The following JRK variants were observed in gnomAD, a reference collection of about 807,000 sequenced individuals.
The protein encoded by JRK is jerky protein homolog.
For missense variants in JRK, 720 were observed against 509.2 expected (o/e 1.41, Z -3.98); for synonymous variants, 303 against 218.1 (o/e 1.39, Z -3.43).
rs782436870 is a variant in JRK, at chr8:142,665,460, G to A, written c.599C>T (p.Thr200Ile). The change falls in exon 2 of 2, where the codon ACT (threonine) becomes ATT (isoleucine). Residue 200 changes from threonine (T) to isoleucine (I), a missense_variant. Thr to Ile is a moderately conservative substitution (Grantham distance 89, BLOSUM62 -1). Coordinates refer to ENST00000612905, the MANE Select transcript of JRK (RefSeq NM_003724.4). ...GCCAGGCACAGCCCCGCCTTCCGGA[G>A]TGGGATTTGGCAGGCACCGCCAGAA... Reference protein sequence around the residue: ...GLFWRCLPNPTPEGGAVPGPK... With the variant: ...GLFWRCLPNPIPEGGAVPGPK... The A allele has an allele frequency of 9.8e-6, 7 of 717,868 alleles. No individual in the cohort carries two copies. Among genetic ancestry groups the A allele is most frequent in the Non-Finnish European group, 1.6e-5 (6 of 385,100 alleles). 44.5% of individuals were successfully genotyped at this position (717,868 alleles called of 1,614,324 possible).
At chr8:142,647,029 G>C in the JRK span, among the ~76,000 whole-genome samples, 1 of 152,132 alleles carries the variant, frequency 6.6e-6, no homozygotes, top group Non-Finnish European at 1.5e-5. Context: ...TCAAGGTATA[G>C]GCAGAAAAAG....
At chr8:142,645,637 G>A in the JRK span, among the ~76,000 whole-genome samples, 8 of 151,610 alleles carry the variant, frequency 5.3e-5, no homozygotes, top group African/African-American at 7.3e-5. Flanking sequence ...CCAAGATCGC[G>A]CCACTGCACT....
chr8:142,647,061 T>C, the JRK span, among the ~76,000 whole-genome samples: 1 of 152,136 alleles, frequency 6.6e-6, no homozygotes, highest in South Asian at 2.1e-4. Flanking sequence ...TAAGGGGAGA[T>C]TAAAGATGCA....
Position 142,662,477 on chromosome 8 carries a change from A to C in JRK, c.*1875T>G. The C allele has an allele frequency of 1.0e-6, 1 of 985,474 alleles. No individual in the cohort carries two copies. The highest frequency in any genetic ancestry group is 1.2e-6 in the Non-Finnish European group (1 of 829,942). The allele number at this position is 985,474 out of a possible 1,614,324, so 61.0% of individuals were successfully genotyped here. On this transcript the variant is annotated 3_prime_UTR_variant, in exon 2 of 2. Transcript: ENST00000612905. Reference sequence around the variant, plus strand: ...AAATGGCACAAAGTACATGATGTGCAGAAGTTCCCCAGACAATGAAGCAAA... The same window carrying C: ...AAATGGCACAAAGTACATGATGTGCCGAAGTTCCCCAGACAATGAAGCAAA...
In JRK at chr8:142,665,309, C is replaced by A. The variant is rs1554635617; in HGVS notation, c.750G>T (p.Leu250=). 1 of 717,776 alleles carries A rather than the reference C, an allele frequency of 1.4e-6. No homozygotes were observed. Among genetic ancestry groups the A allele is most frequent in the Non-Finnish European group, 2.6e-6 (1 of 385,106 alleles). The allele number at this position is 717,776 out of a possible 1,614,324, so 44.5% of individuals were successfully genotyped here. The stretch of plus-strand genomic sequence containing the variant: ...TCCCCTGGGCCTTATAGGCGACGGG[C>A]AGGTGCTGGATGCCTTTGAAAGCCC... ...GPRAFKGIQH[L]PVAYKAQGNA... Residue 250 remains leucine (L), a synonymous_variant, in exon 2 of 2, where the codon CTG becomes CTT. Transcript: ENST00000612905.
Position 142,661,273 on chromosome 8 carries a change from G to A in JRK, c.*3079C>T, listed in dbSNP as rs1846908072. On this transcript the variant is annotated 3_prime_UTR_variant, in exon 2 of 2. Coordinates refer to ENST00000612905, the MANE Select transcript of JRK (RefSeq NM_003724.4). ...TGTTCTGTAAACCAACCCCAACGTA[G>A]AAGGGGCTGAAAGACCACCTACCCA... 1 of 985,408 alleles carries A rather than the reference G, an allele frequency of 1.0e-6. No individual in the cohort carries two copies. Among genetic ancestry groups the A allele is most frequent in the Non-Finnish European group, 1.2e-6 (1 of 829,918 alleles). The allele number at this position is 985,408 out of a possible 1,614,324, so 61.0% of individuals were successfully genotyped here.
At chr8:142,657,242 G>C (rs1846772123), downstream of JRK, among the ~76,000 whole-genome samples, 1 of 152,148 alleles carries the variant, frequency 6.6e-6, no homozygotes, top group African/African-American at 2.4e-5. Context: ...CAGACCCCTT[G>C]TAACTAGTTG....
Position 142,658,391 on chromosome 8 carries a change from C to CT in JRK, c.*5960dup, listed in dbSNP as rs10656550. The CT allele has an allele frequency of 8.0e-3, 1,170 of 146,128 alleles. 11 individuals carry two copies. The highest frequency in any genetic ancestry group is 0.02 in the African/African-American group (812 of 39,652). The allele number at this position is 146,128 out of a possible 1,614,324, so 9.1% of individuals were successfully genotyped here. On this transcript the variant is annotated 3_prime_UTR_variant, in exon 2 of 2. Transcript: ENST00000612905. Reference sequence around the variant, plus strand: ...AGATGGCAATTTTCTATTTTATTTCCTTTTTTTTTTTTTTTAGCAATAAGG... The same window carrying CT: ...AGATGGCAATTTTCTATTTTATTTCCTTTTTTTTTTTTTTTTAGCAATAAGG...
Position 142,660,525 on chromosome 8 carries a change from G to T in JRK, c.*3827C>A. The T allele has an allele frequency of 1.3e-6, 1 of 760,402 alleles. No individual in the cohort carries two copies. The highest frequency in any genetic ancestry group is 1.6e-6 in the Non-Finnish European group (1 of 625,256). The allele number at this position is 760,402 out of a possible 1,614,324, so 47.1% of individuals were successfully genotyped here. ...GGGGATCCTCCCGCCTCGGCCTCCTGAGTAGCTGGGGTTACAGGCACATGC... is the reference window on the plus strand; with the variant it reads ...GGGGATCCTCCCGCCTCGGCCTCCTTAGTAGCTGGGGTTACAGGCACATGC... On this transcript the variant is annotated 3_prime_UTR_variant, in exon 2 of 2. Transcript: ENST00000612905.
chr8:142,668,760 T>C (rs1423233823), intron 1 of JRK, among the ~76,000 whole-genome samples: 1 of 151,230 alleles, frequency 6.6e-6, no homozygotes, highest in African/African-American at 2.4e-5. Context: ...AAGTTTTTGG[T>C]CTTGCAAGTG....
In JRK at chr8:142,661,174, C is replaced by A; in HGVS notation, c.*3178G>T. The A allele has an allele frequency of 3.0e-6, 3 of 985,522 alleles. No individual in the cohort carries two copies. The highest frequency in any genetic ancestry group is 3.6e-6 in the Non-Finnish European group (3 of 829,988). 61.0% of individuals were successfully genotyped at this position (985,522 alleles called of 1,614,324 possible). On this transcript the variant is annotated 3_prime_UTR_variant, in exon 2 of 2. Coordinates refer to ENST00000612905, the MANE Select transcript of JRK (RefSeq NM_003724.4). The stretch of plus-strand genomic sequence containing the variant: ...AAGGTCTGCTCTAGACCCTCCTATG[C>A]AGGAGACAGACAACTTCCAGGACAG...
chr8:142,646,615 C>G, the JRK span, among the ~76,000 whole-genome samples: 1 of 151,272 alleles, frequency 6.6e-6, no homozygotes, highest in East Asian at 1.9e-4. Flanking sequence ...TGGCAATTCT[C>G]AAGACATTTC....
In JRK at chr8:142,659,298, T is replaced by G; in HGVS notation, c.*5054A>C. 9.5e-7 allele frequency: 1 copy of G among 1,047,312 alleles called. No homozygotes were observed. The allele number at this position is 1,047,312 out of a possible 1,614,324, so 64.9% of individuals were successfully genotyped here. On this transcript the variant is annotated 3_prime_UTR_variant, in exon 2 of 2. Transcript: ENST00000612905. ...TGGCTTAGGACCAGGGCAAGACGCC[T>G]GACCCCAGAGCAGACCATGCTGACA...
In JRK at chr8:142,658,803, G is replaced by A. The variant is rs1554634081; in HGVS notation, c.*5549C>T. On this transcript the variant is annotated 3_prime_UTR_variant, in exon 2 of 2. Coordinates refer to ENST00000612905, the MANE Select transcript of JRK (RefSeq NM_003724.4). ...CACCCATAACCTCAAGGGCACTGGT[G>A]GGGACAGAGGGGTCTTACCCAGCAC... 4.4e-6 allele frequency: 7 copies of A among 1,581,348 alleles called. No individual in the cohort carries two copies. The highest frequency in any genetic ancestry group is 6.0e-6 in the Non-Finnish European group (7 of 1,163,674).
At chr8:142,669,210 G>C (rs1228225321) in intron 1 of JRK, among the ~76,000 whole-genome samples, 5 of 135,822 alleles carry the variant, frequency 3.7e-5, no homozygotes, top group Non-Finnish European at 8.0e-5. Flanking sequence ...GCGTGTGTGT[G>C]TTGGGGGGTA....
chr8:142,663,593 C>T lies in JRK; in HGVS notation c.*759G>A. On this transcript the variant is annotated 3_prime_UTR_variant, in exon 2 of 2. Transcript: ENST00000612905. Reference sequence around the variant, plus strand: ...AAATACCACACAGGGTCCGTGTCCTCTATCCGGGTGATGAGCAGGGCCTGG... The same window carrying T: ...AAATACCACACAGGGTCCGTGTCCTTTATCCGGGTGATGAGCAGGGCCTGG... 2.0e-6 allele frequency: 2 copies of T among 985,516 alleles called. No individual in the cohort carries two copies. Among genetic ancestry groups the T allele is most frequent in the Non-Finnish European group, 2.4e-6 (2 of 829,946 alleles). 61.0% of individuals were successfully genotyped at this position (985,516 alleles called of 1,614,324 possible). A position where few individuals can be genotyped will look rare whatever the true frequency, so the allele number is the denominator to read the frequency against.
chr8:142,653,037 G>C (rs1446499249), downstream of JRK, among the ~76,000 whole-genome samples: 3 of 152,192 alleles, frequency 2.0e-5, no homozygotes, highest in Admixed American at 6.5e-5. Context: ...GGCAGACCAT[G>C]GTGAAGAGAC....
At chr8:142,648,012 G>C in the JRK span, among the ~76,000 whole-genome samples, 99 of 152,368 alleles carry the variant, frequency 6.5e-4, 1 homozygote, top group Non-Finnish European at 9.6e-4. Context: ...TTTTAGCAAA[G>C]AGACTGGTGG....
chr8:142,654,826 G>C (rs1300491847), downstream of JRK, among the ~76,000 whole-genome samples: 1 of 151,798 alleles, frequency 6.6e-6, no homozygotes, highest in Non-Finnish European at 1.5e-5. Context: ...AGCTGCCCCA[G>C]GCCCTCCTCA....
Sources: gnomAD v4.1 joint callset for allele counts (sites outside exome capture counted in the v4.1 genomes callset) on GRCh38, gnomAD v4.1.1 for gene constraint, MANE v1.5 for transcripts, NCBI Gene and HGNC (gene_info 2026-07-23, HGNC 2026-07-21) for gene names.